TMEM163: variants seen among roughly 807,000 people sequenced by gnomAD.
TMEM163 encodes the protein transmembrane protein 163.
In TMEM163, 17 loss-of-function variants were observed where a neutral mutation model predicts 29.3. The ratio of observed to expected loss-of-function variants is 0.58; its 90% confidence interval spans 0.40 to 0.87. The LOEUF (loss-of-function observed/expected upper bound fraction) is 0.87, where lower values mean the gene tolerates loss of function less well. TMEM163 is among the 40% of genes least tolerant of loss of function. The pLI is 0.00. For missense variants in TMEM163, 303 were observed against 381.5 expected (o/e 0.79, Z 1.71); for synonymous variants, 157 against 160.6 (o/e 0.98, Z 0.17).
intron 4 of TMEM163, among the ~76,000 whole-genome samples, chr2:134,542,911 G>A (rs2924943): frequency 0.18 from 27,185 of 152,002 alleles, 3,097 homozygotes; most frequent in Middle Eastern, 0.28. Context: ...TCCTTGTCCC[G>A]TGGGAGTCTA....
At chr2:134,492,830 AG>A (rs1398162007) in intron 5 of TMEM163, among the ~76,000 whole-genome samples, 1 of 152,230 alleles carries the variant, frequency 6.6e-6, no homozygotes, top group African/African-American at 2.4e-5. Context: ...GTCTTTGTGC[AG>A]ACATGTATTT....
chr2:134,472,422 A>C (rs1161399992), intron 5 of TMEM163, among the ~76,000 whole-genome samples: 1 of 152,266 alleles, frequency 6.6e-6, no homozygotes, highest in Non-Finnish European at 1.5e-5. Context: ...TGAAAGCCAA[A>C]ACTATAGTAA....
chr2:134,589,539 T>G (rs1344986405), intron 2 of TMEM163, among the ~76,000 whole-genome samples: 1 of 152,190 alleles, frequency 6.6e-6, no homozygotes, highest in African/African-American at 2.4e-5. Context: ...ACCAGCACCA[T>G]GACAGTTTAC....
At chr2:134,677,865 T>C (rs1202813406) in intron 2 of TMEM163, among the ~76,000 whole-genome samples, 2 of 152,218 alleles carry the variant, frequency 1.3e-5, no homozygotes, top group African/African-American at 4.8e-5. Flanking sequence ...TCTTCCAATG[T>C]CATTGGATAC....
intron 6 of TMEM163, among the ~76,000 whole-genome samples, chr2:134,464,043 A>G (rs1479661867): frequency 1.3e-5 from 2 of 152,290 alleles, no homozygotes; most frequent in Admixed American, 1.3e-4. Context: ...AAGGTAGTCA[A>G]TCCTCTCGCC....
chr2:134,566,642 A>G (rs1186741739), intron 2 of TMEM163, among the ~76,000 whole-genome samples: 1 of 151,992 alleles, frequency 6.6e-6, no homozygotes, highest in Non-Finnish European at 1.5e-5. Flanking sequence ...CAGTGGGGAA[A>G]CCTCTTAGAG....
At chr2:134,594,348 T>G (rs1008992252) in intron 2 of TMEM163, among the ~76,000 whole-genome samples, 1 of 152,168 alleles carries the variant, frequency 6.6e-6, no homozygotes, top group African/African-American at 2.4e-5. Context: ...CTTATTTTAT[T>G]CCATTATATG....
At chr2:134,586,253 G>A (rs1344032576) in intron 2 of TMEM163, among the ~76,000 whole-genome samples, 1 of 152,202 alleles carries the variant, frequency 6.6e-6, no homozygotes, top group African/African-American at 2.4e-5. Context: ...CACAAACTAG[G>A]TGGCTTAACC....
chr2:134,617,445 G>C (rs1682631743), intron 2 of TMEM163, among the ~76,000 whole-genome samples: 1 of 151,840 alleles, frequency 6.6e-6, no homozygotes, highest in East Asian at 1.9e-4. Context: ...TACTAAAAAA[G>C]TACAAAATTA....
intron 2 of TMEM163, among the ~76,000 whole-genome samples, chr2:134,603,465 G>A (rs7570717): frequency 0.58 from 87,856 of 151,988 alleles, 26,101 homozygotes; most frequent in Non-Finnish European, 0.63. Flanking sequence ...CAAAGAAAGC[G>A]TCTTCAGACT....
chr2:134,530,969 C>T (rs1396010254), intron 4 of TMEM163, among the ~76,000 whole-genome samples: 1 of 152,240 alleles, frequency 6.6e-6, no homozygotes, highest in Non-Finnish European at 1.5e-5. Flanking sequence ...TCCTTTTCTA[C>T]ATTTCCTCAA....
At chr2:134,507,512 C>T (rs1220636095) in intron 4 of TMEM163, among the ~76,000 whole-genome samples, 1 of 152,168 alleles carries the variant, frequency 6.6e-6, no homozygotes, top group Non-Finnish European at 1.5e-5. Context: ...GGGGACGTGG[C>T]CCCTCAATCT....
chr2:134,667,030 C>T (rs1243265684), intron 2 of TMEM163, among the ~76,000 whole-genome samples: 2 of 152,214 alleles, frequency 1.3e-5, no homozygotes, highest in African/African-American at 4.8e-5. Context: ...AAAATCTACT[C>T]ATCACTCATG....
intron 6 of TMEM163, among the ~76,000 whole-genome samples, chr2:134,461,905 G>T (rs1318312499): frequency 3.3e-5 from 5 of 152,196 alleles, no homozygotes; most frequent in Non-Finnish European, 7.4e-5. Flanking sequence ...GACAGCCATG[G>T]CTCCCTGAGC....
intron 4 of TMEM163, among the ~76,000 whole-genome samples, chr2:134,528,879 G>A (rs898117036): frequency 9.2e-5 from 14 of 152,192 alleles, no homozygotes; most frequent in Admixed American, 5.2e-4. Context: ...GGTATTTAAG[G>A]TGAATGGTTA....
intron 2 of TMEM163, among the ~76,000 whole-genome samples, chr2:134,654,202 C>A (rs1683546420): frequency 7.7e-6 from 1 of 129,970 alleles, no homozygotes; most frequent in African/African-American, 3.5e-5. Flanking sequence ...GTAGGTCACT[C>A]AGGACTTGCT....
chr2:134,703,224 T>C (rs1011799585), intron 2 of TMEM163, among the ~76,000 whole-genome samples: 2 of 150,956 alleles, frequency 1.3e-5, no homozygotes, highest in Non-Finnish European at 3.0e-5. Context: ...CCAAAAAAAG[T>C]GGGGAAGGAA....
At chr2:134,632,828 T>G (rs1335330300) in intron 2 of TMEM163, among the ~76,000 whole-genome samples, 1 of 150,764 alleles carries the variant, frequency 6.6e-6, no homozygotes, top group Non-Finnish European at 1.5e-5. Flanking sequence ...CTGCAAGCTT[T>G]GCCTCCCGGG....
chr2:134,599,478 G>T (rs761760987), intron 2 of TMEM163, among the ~76,000 whole-genome samples: 1 of 152,036 alleles, frequency 6.6e-6, no homozygotes, highest in Non-Finnish European at 1.5e-5. Flanking sequence ...AGGATACAAT[G>T]AGAAGATGGC....
Sources: gnomAD v4.1 joint callset for allele counts (sites outside exome capture counted in the v4.1 genomes callset) on GRCh38, gnomAD v4.1.1 for gene constraint, MANE v1.5 for transcripts, NCBI Gene and HGNC (gene_info 2026-07-23, HGNC 2026-07-21) for gene names.